PDCD11: variants seen among roughly 807,000 people sequenced by gnomAD.
The protein encoded by PDCD11 is protein RRP5 homolog.
PDCD11 carries 97 observed loss-of-function variants against 198.9 expected under a neutral mutation model. The observed-to-expected ratio is 0.49, with a 90% CI of 0.41 to 0.58. The LOEUF is 0.58. Ranked by LOEUF, PDCD11 falls within the 20% of genes least tolerant of loss-of-function variation. PDCD11 has a pLI of 0.00. For missense variants in PDCD11, 2,102 were observed against 2,312.7 expected, an observed-to-expected ratio of 0.91 and a Z score of 1.87; for synonymous variants, 893 against 918.0, an observed-to-expected ratio of 0.97 and a Z score of 0.49.
At chr10:103,404,235 C>T (rs1295828412) in intron 4 of PDCD11, among the ~76,000 whole-genome samples, 1 of 151,472 alleles carries the variant, frequency 6.6e-6, no homozygotes, top group Non-Finnish European at 1.5e-5. Context: ...ATGATCCACC[C>T]GCCTCGGCCT....
At chr10:103,416,866 T>C (rs1041797485) in intron 13 of PDCD11, 124 bp downstream of exon 13, 1 of 1,079,602 alleles carries the variant, frequency 9.3e-7, no homozygotes, top group African/African-American at 1.6e-5. Context: ...GGGCAGTGGG[T>C]GTGAGCCGGC....
Position 103,440,563 on chromosome 10 carries a change from G to C in PDCD11, c.4422G>C (p.Arg1474=), listed in dbSNP as rs766999093. The C allele has an allele frequency of 3.2e-5, 52 of 1,611,256 alleles. 1 individual carries two copies. Among genetic ancestry groups the C allele is most frequent in the East Asian group, 2.7e-4 (12 of 44,890 alleles). Residue 1474 remains arginine (R), a synonymous_variant, in exon 29 of 36, where the codon CGG becomes CGC. Transcript: ENST00000369797. ...AGAAGCGGGGCGGGCGGGAGTGCCG[G>C]GAGTCTGGGAGTGAGCAGGTGAGGT... ...QAQKRGGREC[R]ESGSEQERVS...
chr10:103,429,580 G>A (rs531685416), intron 21 of PDCD11, among the ~76,000 whole-genome samples: 2 of 151,972 alleles, frequency 1.3e-5, no homozygotes, highest in South Asian at 4.2e-4. Context: ...CCTTTTATGT[G>A]TATCTGTGTC....
chr10:103,403,419 C>G, intron 4 of PDCD11, 134 bp downstream of exon 4: 2 of 775,498 alleles, frequency 2.6e-6, no homozygotes, highest in Non-Finnish European at 2.1e-6. Flanking sequence ...GAATTTTTGA[C>G]TAAGTCTGGG....
intron 21 of PDCD11, among the ~76,000 whole-genome samples, chr10:103,428,309 GAAA>G (rs56689026): frequency 4.9e-5 from 7 of 143,244 alleles, no homozygotes; most frequent in African/African-American, 1.8e-4. Flanking sequence ...CGTCTCAAAA[GAAA>G]AAAAAAAAAC....
At chr10:103,444,399 A>G (rs1358793296) in intron 34 of PDCD11, 118 bp from the exon 35 acceptor site, 5 of 1,020,452 alleles carry the variant, frequency 4.9e-6, no homozygotes, top group Non-Finnish European at 3.0e-6. Context: ...CTCTTGTCAC[A>G]ACCTGAGTCT....
chr10:103,413,358 C>G lies in PDCD11; in HGVS notation c.1185+36C>G, dbSNP rs771115200. The stretch of plus-strand genomic sequence containing the variant: ...CTCTTTGTTTGGTCAGGGATCTTAT[C>G]ACTGGAAGGACTTCTGGAGCACAGG... On this transcript the variant is annotated intron_variant, in intron 9 of 35. Coordinates refer to ENST00000369797, the MANE Select transcript of PDCD11 (RefSeq NM_014976.2). The G allele has an allele frequency of 3.9e-6, 6 of 1,548,320 alleles. No individual in the cohort carries two copies. In the African/African-American group the frequency reaches 8.2e-5, roughly 21 times the overall value.
At position 103,409,710 on chromosome 10, in the gene PDCD11, T is replaced by G; in HGVS notation, c.882T>G (p.Phe294Leu). 1 of 1,613,570 alleles carries G rather than the reference T, an allele frequency of 6.2e-7. No individual in the cohort carries two copies. Among genetic ancestry groups the G allele is most frequent in the Non-Finnish European group, 8.5e-7 (1 of 1,179,422 alleles). Reference sequence around the variant, plus strand: ...CTGTTTATTTCTAGGTGACTCCATTTGGCCTTACGCTAAACTTCCTCACAT... The same window carrying G: ...CTGTTTATTTCTAGGTGACTCCATTGGGCCTTACGCTAAACTTCCTCACAT... ...VKAQVQKVTP[F>L]GLTLNFLTFF... Residue 294 changes from phenylalanine (F) to leucine (L), a missense_variant, in exon 8 of 36, where the codon TTT (phenylalanine) becomes TTG (leucine). Coordinates refer to ENST00000369797, the MANE Select transcript of PDCD11 (RefSeq NM_014976.2).
rs540884821 is a variant in PDCD11, at chr10:103,445,118, G to A, written c.5445-260G>A. ...TCCCCCATCCCAGTAGCTTTGTCTT[G>A]ATCACTGTGTGGCTTTAGGCAGGGA... On this transcript the variant is annotated intron_variant, in intron 35 of 35. Transcript: ENST00000369797. Among the ~76,000 whole-genome samples the A allele has an allele frequency of 8.5e-5, 13 of 152,298 alleles. No homozygotes were observed. The South Asian group carries it at 2.7e-3, about 32-fold the overall frequency.
Position 103,429,218 on chromosome 10 carries a change from G to A in PDCD11, c.3368+1827G>A, listed in dbSNP as rs574976036. Among the ~76,000 whole-genome samples, 5 of 152,260 alleles carry A rather than the reference G, an allele frequency of 3.3e-5. No homozygotes were observed. The South Asian group carries it at 1.0e-3, about 32-fold the overall frequency. On this transcript the variant is annotated intron_variant, in intron 21 of 35. Transcript: ENST00000369797. Reference sequence around the variant, plus strand: ...GCTTACTCCTCTGGAGGGCTGAGAGGAAAGAGACAAGGCCATTCAGGAGTC... The same window carrying A: ...GCTTACTCCTCTGGAGGGCTGAGAGAAAAGAGACAAGGCCATTCAGGAGTC...
chr10:103,444,788 A>T, intron 35 of PDCD11, 106 bp downstream of exon 35: 3 of 1,091,918 alleles, frequency 2.7e-6, no homozygotes, highest in Non-Finnish European at 4.1e-6. Context: ...GATCTAGAAA[A>T]CCAGCTAGAT....
chr10:103,437,912 T>G, intron 25 of PDCD11, 103 bp from the exon 26 acceptor site: 2 of 878,006 alleles, frequency 2.3e-6, no homozygotes, highest in Non-Finnish European at 3.8e-6. Context: ...TCCTGTCTCC[T>G]CACTCCTGCC....
chr10:103,411,933 G>A (rs1319643342), intron 8 of PDCD11, among the ~76,000 whole-genome samples: 4 of 152,096 alleles, frequency 2.6e-5, no homozygotes, highest in Admixed American at 2.6e-4. Flanking sequence ...CAGCTCCTTG[G>A]TGTTGAGGGG....
chr10:103,417,074 T>C (rs760220940), intron 13 of PDCD11, among the ~76,000 whole-genome samples: 3 of 152,218 alleles, frequency 2.0e-5, no homozygotes, highest in Non-Finnish European at 4.4e-5. Context: ...TAAGTCTTGG[T>C]ATCACTAGGA....
At chr10:103,437,095 G>A (rs559015819) in intron 25 of PDCD11, among the ~76,000 whole-genome samples, 3 of 152,260 alleles carry the variant, frequency 2.0e-5, no homozygotes, top group Admixed American at 6.5e-5. Flanking sequence ...CTTCTTTTAA[G>A]GACATACTGT....
intron 3 of PDCD11, 60 bp from the exon 4 acceptor site, chr10:103,403,058 C>T: frequency 6.6e-7 from 1 of 1,507,238 alleles, no homozygotes; most frequent in Non-Finnish European, 9.2e-7. Flanking sequence ...GCCAGACCTT[C>T]CAACCTTCCC....
intron 1 of PDCD11, 137 bp from the exon 2 acceptor site, chr10:103,398,279 T>G: frequency 1.6e-6 from 1 of 618,672 alleles, no homozygotes; most frequent in Non-Finnish European, 2.9e-6. Context: ...GGGCCTGACA[T>G]CTAAACCATC....
intron 17 of PDCD11, 90 bp from the exon 18 acceptor site, chr10:103,422,898 T>G: frequency 8.2e-7 from 1 of 1,215,288 alleles, no homozygotes; most frequent in Non-Finnish European, 1.1e-6. Context: ...TGCTCCACTG[T>G]CCTCCGTGGT....
At chr10:103,406,355 A>G (rs1374235275) in intron 6 of PDCD11, among the ~76,000 whole-genome samples, 3 of 152,154 alleles carry the variant, frequency 2.0e-5, no homozygotes, top group Non-Finnish European at 4.4e-5. Context: ...TTCCACTGCA[A>G]TTAGGGCCCC....
Sources: gnomAD v4.1 joint callset for allele counts (sites outside exome capture counted in the v4.1 genomes callset) on GRCh38, gnomAD v4.1.1 for gene constraint, MANE v1.5 for transcripts, NCBI Gene and HGNC (gene_info 2026-07-23, HGNC 2026-07-21) for gene names.